The following IMMP2L variants were observed in gnomAD, a reference collection of about 807,000 sequenced individuals.
IMMP2L encodes the protein mitochondrial inner membrane protease subunit 2.
Under a neutral mutation model 19.3 loss-of-function variants are expected in IMMP2L, and 18 were observed. The ratio of observed to expected loss-of-function variants is 0.93; its 90% confidence interval spans 0.64 to 1.38. The LOEUF (loss-of-function observed/expected upper bound fraction) is 1.38, where lower values mean the gene tolerates loss of function less well. IMMP2L is among the 40% of genes most tolerant of loss of function. IMMP2L has a pLI of 0.00. For missense variants in IMMP2L, 233 were observed against 218.2 expected (o/e 1.07, Z -0.43); for synonymous variants, 76 against 73.0 (o/e 1.04, Z -0.21).
intron 4 of IMMP2L, among the ~76,000 whole-genome samples, chr7:110,921,963 A>C (rs573284517): frequency 6.6e-6 from 1 of 152,298 alleles, no homozygotes; most frequent in East Asian, 1.9e-4. Context: ...ATGTCAGTGT[A>C]CTGCAAAGAG....
intron 3 of IMMP2L, among the ~76,000 whole-genome samples, chr7:111,446,969 G>A (rs1325656644): frequency 1.3e-5 from 2 of 149,926 alleles, no homozygotes; most frequent in African/African-American, 5.0e-5. Flanking sequence ...AATGGAAGAT[G>A]AAACGAATGA....
At chr7:111,286,128 A>C (rs1178779168) in intron 3 of IMMP2L, among the ~76,000 whole-genome samples, 2 of 152,192 alleles carry the variant, frequency 1.3e-5, no homozygotes, top group Non-Finnish European at 2.9e-5. Context: ...GGCACACATA[A>C]AGAAAAAATA....
At chr7:111,362,473 T>A (rs1269568153) in intron 3 of IMMP2L, among the ~76,000 whole-genome samples, 1 of 151,896 alleles carries the variant, frequency 6.6e-6, no homozygotes, top group Admixed American at 6.6e-5. Context: ...TTCACATACA[T>A]TTTTTTTCTA....
chr7:111,331,016 T>C (rs6963561), intron 3 of IMMP2L, among the ~76,000 whole-genome samples: 4,881 of 152,044 alleles, frequency 0.032, 255 homozygotes, highest in African/African-American at 0.11. Flanking sequence ...AAAAACTGTA[T>C]GGAAGTTCCT....
intron 4 of IMMP2L, among the ~76,000 whole-genome samples, chr7:110,928,146 C>T (rs1051300465): frequency 1.3e-5 from 2 of 151,728 alleles, no homozygotes; most frequent in Admixed American, 6.6e-5. Flanking sequence ...ATTAAAAACA[C>T]AACAAACCCC....
At chr7:110,806,630 A>T (rs529784075) in intron 5 of IMMP2L, among the ~76,000 whole-genome samples, 2 of 152,178 alleles carry the variant, frequency 1.3e-5, no homozygotes, top group Admixed American at 1.3e-4. Flanking sequence ...AATGAAACCA[A>T]CTAAAGGGAT....
At chr7:111,019,622 T>C (rs1439292928) in intron 3 of IMMP2L, among the ~76,000 whole-genome samples, 2 of 152,104 alleles carry the variant, frequency 1.3e-5, no homozygotes, top group Non-Finnish European at 2.9e-5. Context: ...AAAATGACTT[T>C]AGAAAAGAAA....
At chr7:111,495,854 T>TA (rs1478495170) in intron 2 of IMMP2L, among the ~76,000 whole-genome samples, 1 of 152,160 alleles carries the variant, frequency 6.6e-6, no homozygotes, top group Non-Finnish European at 1.5e-5. Flanking sequence ...TTCAGGCTTA[T>TA]AAAAAGCACC....
chr7:111,551,114 C>T (rs1036693780), intron 1 of IMMP2L, among the ~76,000 whole-genome samples: 1 of 152,076 alleles, frequency 6.6e-6, no homozygotes, highest in Non-Finnish European at 1.5e-5. Context: ...TATACAATTC[C>T]GTAACTAGAA....
intron 2 of IMMP2L, among the ~76,000 whole-genome samples, chr7:111,497,155 G>A (rs1216073049): frequency 2.0e-5 from 3 of 152,128 alleles, no homozygotes; most frequent in Middle Eastern, 3.4e-3. Flanking sequence ...AAGTGTCACA[G>A]GCACGCTCAC....
chr7:110,736,471 G>T (rs758848305), intron 5 of IMMP2L, among the ~76,000 whole-genome samples: 1 of 152,224 alleles, frequency 6.6e-6, no homozygotes, highest in Non-Finnish European at 1.5e-5. Flanking sequence ...CAGCCCAGGA[G>T]AGCTGCAGGA....
At chr7:111,416,207 T>A (rs10232907) in intron 3 of IMMP2L, among the ~76,000 whole-genome samples, 3,581 of 151,824 alleles carry the variant, frequency 0.024, 212 homozygotes, top group African/African-American at 0.082. Context: ...AAACTTTATA[T>A]ACGATGCTTG....
intron 4 of IMMP2L, among the ~76,000 whole-genome samples, chr7:110,912,204 G>A (rs1399295121): frequency 2.6e-5 from 4 of 152,020 alleles, no homozygotes; most frequent in Admixed American, 2.6e-4. Flanking sequence ...CCTTTTTTTA[G>A]TAGGCAATTT....
intron 3 of IMMP2L, among the ~76,000 whole-genome samples, chr7:111,308,675 C>T (rs1382915245): frequency 2.0e-5 from 3 of 151,748 alleles, no homozygotes; most frequent in Non-Finnish European, 4.4e-5. Flanking sequence ...AAAAAAAGTA[C>T]CTTTGTCATA....
At chr7:111,556,314 T>C (rs892156520) in intron 1 of IMMP2L, among the ~76,000 whole-genome samples, 2 of 151,958 alleles carry the variant, frequency 1.3e-5, no homozygotes. Flanking sequence ...ACTCTTGTCA[T>C]ACACACAAAA....
chr7:111,113,527 TTTTTC>T (rs1799491081), intron 3 of IMMP2L, among the ~76,000 whole-genome samples: 1 of 152,160 alleles, frequency 6.6e-6, no homozygotes, highest in Non-Finnish European at 1.5e-5. Context: ...TTCATTTATT[TTTTTC>T]TTTTAACTAT....
chr7:111,074,252 T>G (rs1194573042), intron 3 of IMMP2L, among the ~76,000 whole-genome samples: 2 of 152,260 alleles, frequency 1.3e-5, no homozygotes, highest in Non-Finnish European at 2.9e-5. Context: ...ATTCACTTCC[T>G]GACCTGACTG....
intron 4 of IMMP2L, among the ~76,000 whole-genome samples, chr7:110,905,011 A>G (rs1221954196): frequency 6.6e-6 from 1 of 152,170 alleles, no homozygotes; most frequent in Non-Finnish European, 1.5e-5. Context: ...CAGATAAAAT[A>G]TGCTTACTAT....
intron 4 of IMMP2L, among the ~76,000 whole-genome samples, chr7:110,961,225 TAGATACCAAAATCCCCCCAC>T (rs1408953322): frequency 6.6e-6 from 1 of 151,814 alleles, no homozygotes; most frequent in Non-Finnish European, 1.5e-5. Flanking sequence ...CCCACAAATA[TAGATACCAAAATCCCCCCAC>T]AGATACCAAA....
Sources: allele counts gnomAD v4.1 joint callset (sites outside exome capture counted in the v4.1 genomes callset), GRCh38; gene constraint gnomAD v4.1.1; transcripts MANE v1.5; gene names NCBI Gene and HGNC (gene_info 2026-07-23, HGNC 2026-07-21).